DQX1: variants seen among roughly 807,000 people sequenced by gnomAD.
DQX1 encodes ATP-dependent RNA helicase homolog DQX1.
Under a neutral mutation model 81.3 loss-of-function variants are expected in DQX1, and 66 were observed. The observed-to-expected ratio is 0.81, with a 90% CI of 0.67 to 1.00. The LOEUF (loss-of-function observed/expected upper bound fraction) is 1.00, where lower values mean the gene tolerates loss of function less well. DQX1 is among the 50% of genes least tolerant of loss of function. The pLI, the probability that DQX1 is intolerant of heterozygous loss-of-function variation, is 0.00. For synonymous variants in DQX1, 290 were observed against 350.0 expected (o/e 0.83, Z 1.91); for missense variants, 798 against 867.9 (o/e 0.92, Z 1.01).
chr2:74,524,045 GTC>G lies in DQX1; in HGVS notation c.692_693del (p.Arg231ThrfsTer12), dbSNP rs765443251. 1 of 1,614,200 alleles carries G rather than the reference GTC, an allele frequency of 6.2e-7. No individual in the cohort carries two copies. The highest frequency in any genetic ancestry group is 1.1e-5 in the South Asian group (1 of 91,080). ...IVHIPREPGE[R>X]PSPIYWDTIP... ...ATGGTGTCCCAGTAGATGGGGGAAGGTCTCTCACCAGGCTCTCTGGGTATATG... is the reference window on the plus strand; with the variant it reads ...ATGGTGTCCCAGTAGATGGGGGAAGGTCTCACCAGGCTCTCTGGGTATATG... On this transcript the variant is annotated frameshift_variant, in exon 4 of 12. Transcript: ENST00000404568. LOFTEE classifies it high-confidence loss of function.
rs966550149 is a variant in DQX1, at chr2:74,518,361, A to T, written c.*85T>A. ...ATTTGACCCTAAACTTTGGGCTTCT[A>T]AATCTGTCTGGGTGCTTTGGTGTCA... On this transcript the variant is annotated 3_prime_UTR_variant, in exon 12 of 12. Coordinates refer to ENST00000404568, the MANE Select transcript of DQX1 (RefSeq NM_133637.3). The T allele has an allele frequency of 1.8e-5, 28 of 1,522,882 alleles. No individual in the cohort carries two copies. The highest frequency in any genetic ancestry group is 4.5e-4 in the Middle Eastern group (2 of 4,430). The allele number at this position is 1,522,882 out of a possible 1,614,324, so 94.3% of individuals were successfully genotyped here. A position where few individuals can be genotyped will look rare whatever the true frequency, so the allele number is the denominator to read the frequency against.
At position 74,523,938 on chromosome 2, in the gene DQX1, G is replaced by A; in HGVS notation, c.801C>T (p.Phe267=). 1 of 1,597,112 alleles carries A rather than the reference G, an allele frequency of 6.3e-7. No homozygotes were observed. Residue 267 remains phenylalanine, a synonymous_variant, in exon 4 of 12, where the codon TTC becomes TTT. Coordinates refer to ENST00000404568, the MANE Select transcript of DQX1 (RefSeq NM_133637.3). Reference sequence around the variant, plus strand: ...TGTTTTTTACCTCCTCACTGGGCAGGAACACTAGCACATCTCCTGGAAGCT... The same window carrying A: ...TGTTTTTTACCTCCTCACTGGGCAGAAACACTAGCACATCTCCTGGAAGCT... ...RKELPGDVLV[F]LPSEEEISLC...
chr2:74,525,379 C>G lies in DQX1; in HGVS notation c.237+114G>C. The G allele has an allele frequency of 7.8e-7, 1 of 1,285,866 alleles. No homozygotes were observed. Among genetic ancestry groups the G allele is most frequent in the Non-Finnish European group, 1.1e-6 (1 of 936,542 alleles). 79.7% of individuals were successfully genotyped at this position (1,285,866 alleles called of 1,614,324 possible). On this transcript the variant is annotated intron_variant, in intron 2 of 11. Transcript: ENST00000404568. The surrounding 1 kb of genome is among the most constrained non-coding windows in gnomAD (Gnocchi z 4.1). ...TCTCTTCGTTCACCTTCCTCATGACCCCACGCAGCCCAGTCCCCCCTTGCC... is the reference window on the plus strand; with the variant it reads ...TCTCTTCGTTCACCTTCCTCATGACGCCACGCAGCCCAGTCCCCCCTTGCC...
chr2:74,525,064 C>T lies in DQX1; in HGVS notation c.376G>A (p.Glu126Lys). Residue 126 changes from glutamate (E) to lysine (K), a missense_variant, in exon 3 of 12, where the codon GAG (glutamate) becomes AAG (lysine). Glu to Lys is a moderately conservative substitution (Grantham distance 56). Coordinates refer to ENST00000404568, the MANE Select transcript of DQX1 (RefSeq NM_133637.3). This position sits in a 1 kb window ranked among gnomAD's most constrained non-coding sequence, Gnocchi z 4.1. Reference protein sequence around the residue: ...ADEMDLTLGHEVGYSIPQEDC... With the variant: ...ADEMDLTLGHKVGYSIPQEDC... The stretch of plus-strand genomic sequence containing the variant: ...TCCTGGGGGATGCTGTATCCAACCT[C>T]ATGACCCAGGGTCAGGTCCATCTCA... 1.2e-6 allele frequency: 2 copies of T among 1,614,144 alleles called. No homozygotes were observed. Among genetic ancestry groups the T allele is most frequent in the Non-Finnish European group, 1.7e-6 (2 of 1,180,004 alleles).
rs1675109809 is a variant in DQX1, at chr2:74,524,041, G to A, written c.698C>T (p.Ser233Phe). The A allele has an allele frequency of 1.2e-6, 2 of 1,614,084 alleles. No individual in the cohort carries two copies. Among genetic ancestry groups the A allele is most frequent in the Admixed American group, 3.3e-5 (2 of 60,008 alleles). ...HIPREPGERP[S>F]PIYWDTIPPD... is the part of the protein sequence containing the mutation. ...TGGGATGGTGTCCCAGTAGATGGGG[G>A]AAGGTCTCTCACCAGGCTCTCTGGG... The change falls in exon 4 of 12, where the codon TCC becomes TTC. Residue 233 changes from serine to phenylalanine, a missense_variant. Ser to Phe is a radical substitution (Grantham distance 155). Transcript: ENST00000404568.
Position 74,523,723 on chromosome 2 carries a change from A to C in DQX1, c.817-186T>G, listed in dbSNP as rs896357760. The stretch of plus-strand genomic sequence containing the variant: ...AAATCTCTGCATTAAAGGGAATAAA[A>C]AAGTGAGTGGTAAACCTCTTTACCC... On this transcript the variant is annotated intron_variant, in intron 4 of 11. Coordinates refer to ENST00000404568, the MANE Select transcript of DQX1 (RefSeq NM_133637.3). 6.0e-6 allele frequency: 6 copies of C among 1,005,410 alleles called. No homozygotes were observed. The South Asian group carries it at 1.0e-4, about 18-fold the overall frequency. The allele number at this position is 1,005,410 out of a possible 1,614,324, so 62.3% of individuals were successfully genotyped here. A position where few individuals can be genotyped will look rare whatever the true frequency, so the allele number is the denominator to read the frequency against.
Position 74,524,150 on chromosome 2 carries a change from C to A in DQX1, c.589G>T (p.Asp197Tyr). 6.2e-7 allele frequency: 1 copy of A among 1,614,146 alleles called. No individual in the cohort carries two copies. Among genetic ancestry groups the A allele is most frequent in the Non-Finnish European group, 8.5e-7 (1 of 1,180,030 alleles). ...TCAGTAACCACAACCACTCTGAGGT[C>A]CCCCGGAAGTTTTTCCAGCCTGGCA... ...QDARLEKLPG[D>Y]LRVVVVTDPA... Residue 197 changes from aspartate to tyrosine, a missense_variant, in exon 4 of 12, where the codon GAC becomes TAC. Asp to Tyr is a radical substitution (Grantham distance 160). Coordinates refer to ENST00000404568, the MANE Select transcript of DQX1 (RefSeq NM_133637.3).
At position 74,518,528 on chromosome 2, in the gene DQX1, A is replaced by C. The variant is rs1256023331; in HGVS notation, c.2072T>G (p.Leu691Arg). 2 of 1,614,184 alleles carry C rather than the reference A, an allele frequency of 1.2e-6. No individual in the cohort carries two copies. The highest frequency in any genetic ancestry group is 2.2e-5 in the South Asian group (2 of 91,084). ...PSESRDLLNQ[L>R]REGMADSTAG... is the part of the protein sequence containing the mutation. ...TGTAGAATCTGCCATTCCTTCCCTT[A>C]GCTGGTTCAGAAGGTCTCTGCTCTC... The change falls in exon 12 of 12, where the codon CTA (leucine) becomes CGA (arginine). Residue 691 changes from leucine (L) to arginine (R), a missense_variant. Transcript: ENST00000404568.
At chr2:74,524,768 A>G (rs1246420941) in intron 3 of DQX1, among the ~76,000 whole-genome samples, 1 of 151,984 alleles carries the variant, frequency 6.6e-6, no homozygotes, top group Non-Finnish European at 1.5e-5. Flanking sequence ...CTGTATTCCC[A>G]GTTACTTGGG....
At position 74,522,694 on chromosome 2, in the gene DQX1, G is replaced by A. The variant is rs1343693657; in HGVS notation, c.1381C>T (p.Leu461=). ...ALDDDGDLSD[L]GVILSEFPLA... ...GGGAATTCTGATAGTATGACACCCA[G>A]ATCTGACAGGTCCCCATCATCATCC... The change falls in exon 8 of 12, where the codon CTG becomes TTG. Residue 461 remains leucine, a synonymous_variant. Coordinates refer to ENST00000404568, the MANE Select transcript of DQX1 (RefSeq NM_133637.3). The A allele has an allele frequency of 2.5e-6, 4 of 1,614,116 alleles. No homozygotes were observed. Among genetic ancestry groups the A allele is most frequent in the Non-Finnish European group, 3.4e-6 (4 of 1,180,052 alleles).
Position 74,525,321 on chromosome 2 carries a change from C to T in DQX1, c.238-119G>A. On this transcript the variant is annotated intron_variant, in intron 2 of 11. Transcript: ENST00000404568. This position sits in a 1 kb window ranked among gnomAD's most constrained non-coding sequence, Gnocchi z 4.1. Reference sequence around the variant, plus strand: ...ATTTGGGGAGTCCCCTGGTCTTTCACCAGCCTCCAGGGCCAACCTAACCCA... The same window carrying T: ...ATTTGGGGAGTCCCCTGGTCTTTCATCAGCCTCCAGGGCCAACCTAACCCA... 1 of 1,307,756 alleles carries T rather than the reference C, an allele frequency of 7.6e-7. No homozygotes were observed. The highest frequency in any genetic ancestry group is 2.7e-5 in the Admixed American group (1 of 37,056). The allele number at this position is 1,307,756 out of a possible 1,614,324, so 81.0% of individuals were successfully genotyped here.
intron 3 of DQX1, 94 bp downstream of exon 3, chr2:74,524,915 G>T: frequency 7.1e-7 from 1 of 1,408,622 alleles, no homozygotes; most frequent in Non-Finnish European, 9.6e-7. Flanking sequence ...AGTGAGTTGG[G>T]CTAAGGGAGG....
chr2:74,518,962 G>A, intron 11 of DQX1, 78 bp downstream of exon 11: 1 of 1,364,028 alleles, frequency 7.3e-7, no homozygotes, highest in East Asian at 2.4e-5. Flanking sequence ...CCCTTCCTCT[G>A]TCTCTCTAAC....
chr2:74,518,703 G>C, intron 11 of DQX1, 101 bp from the exon 12 acceptor site: 2 of 1,175,680 alleles, frequency 1.7e-6, no homozygotes, highest in Non-Finnish European at 2.4e-6. Flanking sequence ...CTGGAGTTCA[G>C]TGGCATGATC....
chr2:74,521,633 G>T (rs1419858937), intron 8 of DQX1, among the ~76,000 whole-genome samples: 2 of 149,506 alleles, frequency 1.3e-5, no homozygotes, highest in African/African-American at 4.9e-5. Context: ...CTGGGTGACA[G>T]AGTGAGACTT....
At chr2:74,524,951 G>T in intron 3 of DQX1, 58 bp downstream of exon 3, 2 of 1,550,622 alleles carry the variant, frequency 1.3e-6, no homozygotes, top group Non-Finnish European at 1.7e-6. Flanking sequence ...AGAGGAATGG[G>T]TTTGTTTCTA....
In DQX1 at chr2:74,522,709, C is replaced by T; in HGVS notation, c.1366G>A (p.Gly456Arg). The T allele has an allele frequency of 6.2e-7, 1 of 1,614,236 alleles. No individual in the cohort carries two copies. The highest frequency in any genetic ancestry group is 1.1e-5 in the South Asian group (1 of 91,086). Residue 456 changes from glycine (G) to arginine (R), a missense_variant, in exon 8 of 12, where the codon GGG becomes AGG. By Grantham distance (125) the Gly-to-Arg change is moderately radical. Coordinates refer to ENST00000404568, the MANE Select transcript of DQX1 (RefSeq NM_133637.3). Reference protein sequence around the residue: ...LDYLAALDDDGDLSDLGVILS... With the variant: ...LDYLAALDDDRDLSDLGVILS... ...ATGACACCCAGATCTGACAGGTCCCCATCATCATCCAGGGCTGCCAGATAG... is the reference window on the plus strand; with the variant it reads ...ATGACACCCAGATCTGACAGGTCCCTATCATCATCCAGGGCTGCCAGATAG...
chr2:74,520,748 G>A (rs1041147911), intron 8 of DQX1, among the ~76,000 whole-genome samples: 12 of 151,842 alleles, frequency 7.9e-5, no homozygotes, highest in African/African-American at 2.7e-4. Flanking sequence ...ATCATGGCCC[G>A]TTGCAGCCTC....
chr2:74,519,346 A>T, intron 10 of DQX1, 116 bp from the exon 11 acceptor site: 1 of 1,309,622 alleles, frequency 7.6e-7, no homozygotes, highest in Non-Finnish European at 1.0e-6. Context: ...AAAGTAAAGC[A>T]TTACCTCTAG....
Sources: gnomAD v4.1 joint callset for allele counts (sites outside exome capture counted in the v4.1 genomes callset) on GRCh38, gnomAD v4.1.1 for gene constraint, Gnocchi (gnomAD v3.1) non-coding constraint, MANE v1.5 for transcripts, NCBI Gene and HGNC (gene_info 2026-07-23, HGNC 2026-07-21) for gene names.